Variants in CHRNA7 observed in about 807,000 individuals in gnomAD.
CHRNA7 encodes neuronal acetylcholine receptor subunit alpha-7.
Under a neutral mutation model 48.0 loss-of-function variants are expected in CHRNA7, and 17 were observed. That is an observed-to-expected ratio of 0.35 (90% CI 0.24 to 0.53). CHRNA7 has a LOEUF of 0.53. Ranked by LOEUF, CHRNA7 falls within the 20% of genes least tolerant of loss-of-function variation. The pLI is 0.92. For synonymous variants in CHRNA7, 75 were observed against 242.3 expected, an observed-to-expected ratio of 0.31 and a Z score of 6.41; for missense variants, 155 against 577.7, an observed-to-expected ratio of 0.27 and a Z score of 7.50.
At chr15:32,046,114 G>T (rs192299374) in intron 2 of CHRNA7, among the ~76,000 whole-genome samples, 2 of 151,978 alleles carry the variant, frequency 1.3e-5, no homozygotes, top group African/African-American at 2.4e-5. Context: ...TTGTGAATAG[G>T]GCCACAATAA....
At chr15:32,166,864 T>C (rs2052191960) in intron 9 of CHRNA7, among the ~76,000 whole-genome samples, 2 of 118,166 alleles carry the variant, frequency 1.7e-5, no homozygotes, top group East Asian at 4.3e-4. Context: ...GGACACACTT[T>C]AGACCAGAAG....
intron 2 of CHRNA7, among the ~76,000 whole-genome samples, chr15:32,085,664 C>T (rs1270159743): frequency 6.6e-6 from 1 of 152,286 alleles, no homozygotes. Context: ...TTTTTGTATC[C>T]CATTCTTCTG....
intron 2 of CHRNA7, among the ~76,000 whole-genome samples, chr15:32,069,410 C>G (rs2050018547): frequency 6.6e-6 from 1 of 152,208 alleles, no homozygotes; most frequent in Non-Finnish European, 1.5e-5. Flanking sequence ...TTTTGGGAGG[C>G]TGAGGCAGGA....
chr15:32,104,542 A>T (rs372447930), intron 3 of CHRNA7, among the ~76,000 whole-genome samples: 1 of 152,088 alleles, frequency 6.6e-6, no homozygotes. Flanking sequence ...ATTGGTTCTG[A>T]GTCTTCATCA....
chr15:32,095,693 G>T (rs779663197), intron 2 of CHRNA7, among the ~76,000 whole-genome samples: 2 of 152,114 alleles, frequency 1.3e-5, no homozygotes, highest in Non-Finnish European at 2.9e-5. Flanking sequence ...GGGAAATAAC[G>T]TCTAACCATT....
intron 2 of CHRNA7, among the ~76,000 whole-genome samples, chr15:32,068,356 C>T: frequency 6.6e-6 from 1 of 151,908 alleles, no homozygotes; most frequent in East Asian, 1.9e-4. Context: ...TCAGATTGCA[C>T]ATGGAAGTAG....
chr15:32,123,223 T>G (rs572086723), intron 4 of CHRNA7, among the ~76,000 whole-genome samples: 2 of 152,332 alleles, frequency 1.3e-5, no homozygotes, highest in African/African-American at 4.8e-5. Context: ...GTAGAAGAAG[T>G]AACAGCAGAC....
At chr15:32,082,063 A>C (rs974690859) in intron 2 of CHRNA7, among the ~76,000 whole-genome samples, 1 of 152,098 alleles carries the variant, frequency 6.6e-6, no homozygotes, top group Admixed American at 6.6e-5. Flanking sequence ...CCAATGAATA[A>C]TACTTTGTCA....
At position 32,151,063 on chromosome 15, in the gene CHRNA7, A is replaced by G. The variant is rs117205954; in HGVS notation, c.351-2844A>G. On this transcript the variant is annotated intron_variant, in intron 4 of 9. Transcript: ENST00000306901. ...CCCTTTCTTCCTTCCCTTAAACTTCATCACGTTTTTGCTTGTTTCATATTC... is the reference window on the plus strand; with the variant it reads ...CCCTTTCTTCCTTCCCTTAAACTTCGTCACGTTTTTGCTTGTTTCATATTC... Among the ~76,000 whole-genome samples the G allele has an allele frequency of 6.5e-3, 975 of 149,386 alleles. 11 individuals carry two copies. Among genetic ancestry groups the G allele is most frequent in the Non-Finnish European group, 8.6e-3 (582 of 67,564 alleles).
intron 2 of CHRNA7, among the ~76,000 whole-genome samples, chr15:32,032,657 C>G (rs143518242): frequency 4.5e-4 from 68 of 152,286 alleles, no homozygotes; most frequent in Non-Finnish European, 7.4e-4. Context: ...AGGGTCAACT[C>G]CAGCCAGGCT....
chr15:32,065,935 T>C (rs2049958528), intron 2 of CHRNA7, among the ~76,000 whole-genome samples: 1 of 128,700 alleles, frequency 7.8e-6, no homozygotes, highest in Non-Finnish European at 1.6e-5. Context: ...GGGGCAGAGC[T>C]GTCAGCTGCC....
chr15:32,093,209 C>T (rs191235490), intron 2 of CHRNA7, among the ~76,000 whole-genome samples: 9 of 152,332 alleles, frequency 5.9e-5, no homozygotes, highest in Admixed American at 5.9e-4. Context: ...CACAATCTTC[C>T]TATCACTACC....
chr15:32,108,882 A>G (rs1480658890), intron 3 of CHRNA7, among the ~76,000 whole-genome samples: 3 of 152,198 alleles, frequency 2.0e-5, no homozygotes, highest in Non-Finnish European at 4.4e-5. Flanking sequence ...GTTCAGAGAC[A>G]ATGATTTACC....
chr15:32,037,338 C>T (rs960535876), intron 2 of CHRNA7, among the ~76,000 whole-genome samples: 1 of 152,096 alleles, frequency 6.6e-6, no homozygotes, highest in Admixed American at 6.6e-5. Context: ...ATAGCTTTAT[C>T]CTAAGTCTTG....
chr15:32,108,678 C>T (rs2050712550), intron 3 of CHRNA7, among the ~76,000 whole-genome samples: 1 of 152,158 alleles, frequency 6.6e-6, no homozygotes, highest in South Asian at 2.1e-4. Context: ...CTTCCCCACC[C>T]TTGGCTGCAG....
intron 3 of CHRNA7, among the ~76,000 whole-genome samples, chr15:32,108,747 A>C (rs1566844511): frequency 6.6e-6 from 1 of 152,050 alleles, no homozygotes; most frequent in African/African-American, 2.4e-5. Context: ...AAATGGGGAA[A>C]TCTCTCTCTC....
At chr15:32,146,714 G>A (rs982593558) in intron 4 of CHRNA7, among the ~76,000 whole-genome samples, 4 of 152,058 alleles carry the variant, frequency 2.6e-5, no homozygotes, top group African/African-American at 9.7e-5. Context: ...TTTATGCCTG[G>A]GAAAACTCAA....
chr15:32,154,768 C>T (rs1398873326), intron 5 of CHRNA7, among the ~76,000 whole-genome samples: 1 of 138,816 alleles, frequency 7.2e-6, no homozygotes, highest in East Asian at 2.0e-4. Flanking sequence ...ACCTCCACAC[C>T]TAACTACCAC....
intron 4 of CHRNA7, among the ~76,000 whole-genome samples, chr15:32,137,432 A>C (rs1478261113): frequency 6.6e-6 from 1 of 152,192 alleles, no homozygotes; most frequent in East Asian, 1.9e-4. Context: ...ATATATAACA[A>C]ATCTTACATG....
Sources: gnomAD v4.1 joint callset for allele counts (sites outside exome capture counted in the v4.1 genomes callset) on GRCh38, gnomAD v4.1.1 for gene constraint, MANE v1.5 for transcripts, NCBI Gene and HGNC (gene_info 2026-07-23, HGNC 2026-07-21) for gene names.